NIBAN3: variants seen among roughly 807,000 people sequenced by gnomAD.
NIBAN3 encodes protein Niban 3.
Under a neutral mutation model 76.4 loss-of-function variants are expected in NIBAN3, and 66 were observed. The observed-to-expected ratio is 0.86, with a 90% CI of 0.71 to 1.06. The LOEUF (loss-of-function observed/expected upper bound fraction) is 1.06. Among genes scored for constraint, NIBAN3 ranks in the 50% least tolerant of loss-of-function variants. NIBAN3 has a pLI of 0.00. For synonymous variants in NIBAN3, 360 were observed against 355.2 expected (o/e 1.01, Z -0.15); for missense variants, 808 against 810.7 (o/e 1.00, Z 0.04).
upstream of NIBAN3, chr19:17,523,512 A>T: frequency 6.7e-7 from 1 of 1,483,982 alleles, no homozygotes; most frequent in Non-Finnish European, 9.1e-7. Flanking sequence ...GGGCTGGTTG[A>T]GGGCAGGAGG....
In NIBAN3 at chr19:17,541,230, T is replaced by TATACATAC. The variant is rs56986888; in HGVS notation, c.1170+684_1170+691dup. Among the ~76,000 whole-genome samples the TATACATAC allele has an allele frequency of 1.3e-3, 199 of 150,094 alleles. 1 individual carries two copies. The highest frequency in any genetic ancestry group is 3.6e-3 in the East Asian group (18 of 5,024). On this transcript the variant is annotated intron_variant, in intron 9 of 14. Coordinates refer to ENST00000599164, the MANE Select transcript of NIBAN3 (RefSeq NM_001321827.2). Reference sequence around the variant, plus strand: ...AGCACCTAAAATACATACATACATATATACATACATACATACATACATACA... The same window carrying TATACATAC: ...AGCACCTAAAATACATACATACATATATACATACATACATACATACATACATACATACA...
chr19:17,535,046 T>G (rs898165091), intron 4 of NIBAN3, among the ~76,000 whole-genome samples: 2 of 152,182 alleles, frequency 1.3e-5, no homozygotes, highest in East Asian at 3.9e-4. Flanking sequence ...GACACAAAAA[T>G]GTAGTCTGCT....
Position 17,553,112 on chromosome 19 carries a change from C to T in NIBAN3, c.*1214C>T, listed in dbSNP as rs2076180805. The stretch of plus-strand genomic sequence containing the variant: ...TCCAAATATGTTGATTAGCCATTTA[C>T]ATGTTTGTAGTTTTTTTTTTTTTAA... On this transcript the variant is annotated 3_prime_UTR_variant, in exon 15 of 15. Coordinates refer to ENST00000599164, the MANE Select transcript of NIBAN3 (RefSeq NM_001321827.2). 1.3e-6 allele frequency: 1 copy of T among 741,162 alleles called. No individual in the cohort carries two copies. Among genetic ancestry groups the T allele is most frequent in the East Asian group, 3.2e-5 (1 of 30,784 alleles). 45.9% of individuals were successfully genotyped at this position (741,162 alleles called of 1,614,324 possible).
chr19:17,527,874 C>T (rs990372082), intron 1 of NIBAN3, among the ~76,000 whole-genome samples: 11 of 151,656 alleles, frequency 7.3e-5, no homozygotes, highest in East Asian at 5.8e-4. Context: ...TATTTGTTTT[C>T]GTAGCGACAG....
At chr19:17,526,698 G>A (rs1428703800), upstream of NIBAN3, among the ~76,000 whole-genome samples, 1 of 152,024 alleles carries the variant, frequency 6.6e-6, no homozygotes, top group African/African-American at 2.4e-5. Context: ...GGACTGGTGG[G>A]AGGGACAGTG....
chr19:17,540,170 G>T (rs2075919488), intron 8 of NIBAN3: 2 of 429,398 alleles, frequency 4.7e-6, no homozygotes, highest in Admixed American at 4.2e-5. Flanking sequence ...GGGGGTAAAG[G>T]CTGATACATG....
downstream of NIBAN3, among the ~76,000 whole-genome samples, chr19:17,554,800 T>G (rs199867956): frequency 7.1e-5 from 7 of 98,298 alleles, no homozygotes; most frequent in African/African-American, 3.7e-4. Flanking sequence ...AAAAAGAAAA[T>G]AATAATAATA....
chr19:17,525,819 G>A (rs986002998), upstream of NIBAN3, among the ~76,000 whole-genome samples: 5 of 152,154 alleles, frequency 3.3e-5, no homozygotes, highest in Admixed American at 6.5e-5. Context: ...GGACACCTTC[G>A]CTGGGTGACG....
upstream of NIBAN3, among the ~76,000 whole-genome samples, chr19:17,526,292 G>A (rs753518070): frequency 2.0e-5 from 3 of 150,184 alleles, no homozygotes; most frequent in Non-Finnish European, 3.0e-5. Context: ...CAGTCTGGGC[G>A]ACAGTGCGAG....
rs114758581 is a variant in NIBAN3, at chr19:17,542,488, C to T, written c.1329+194C>T. On this transcript the variant is annotated intron_variant, in intron 10 of 14. Coordinates refer to ENST00000599164, the MANE Select transcript of NIBAN3 (RefSeq NM_001321827.2). This position sits in a 1 kb window ranked among gnomAD's most constrained non-coding sequence, Gnocchi z 4.8. ...GAGCTGGGGCAGGGTGTACAGGGAG[C>T]GCCAAGGATGTTCCTGATCCACCTC... Among the ~76,000 whole-genome samples the T allele has an allele frequency of 0.014, 2,067 of 152,266 alleles. 54 individuals carry two copies. The highest frequency in any genetic ancestry group is 0.048 in the African/African-American group (1,988 of 41,544).
intron 9 of NIBAN3, 126 bp downstream of exon 9, chr19:17,540,708 G>A (rs2075933449): frequency 1.3e-5 from 9 of 678,804 alleles, no homozygotes; most frequent in Middle Eastern, 2.8e-4. Context: ...CCATCACCAT[G>A]CTATGGTCAG....
chr19:17,543,947 G>A (rs62126829), intron 12 of NIBAN3: 10,266 of 182,654 alleles, frequency 0.056, 585 homozygotes, highest in Admixed American at 0.18. Context: ...AGCCGAGATC[G>A]CGCCATTGCA....
chr19:17,534,804 A>AAAAG (rs1436065938), intron 4 of NIBAN3, among the ~76,000 whole-genome samples: 1 of 147,696 alleles, frequency 6.8e-6, no homozygotes, highest in Non-Finnish European at 1.5e-5. Flanking sequence ...AAAAAAAAAA[A>AAAAG]AAAGAAAAGA....
chr19:17,540,661 T>A (rs943975865), intron 9 of NIBAN3, 79 bp downstream of exon 9: 57 of 1,134,942 alleles, frequency 5.0e-5, no homozygotes, highest in Non-Finnish European at 6.3e-5. Flanking sequence ...GAATCTTCAC[T>A]GAATTTGTTC....
Position 17,546,722 on chromosome 19 carries a change from G to A in NIBAN3, c.1591G>A (p.Gly531Ser). 1 of 1,601,044 alleles carries A rather than the reference G, an allele frequency of 6.2e-7. No individual in the cohort carries two copies. The highest frequency in any genetic ancestry group is 8.5e-7 in the Non-Finnish European group (1 of 1,174,876). ...PEFEGDVLAVGSQALTTEGIY... is the reference protein window; with the variant it reads ...PEFEGDVLAVSSQALTTEGIY... ...GTTCGAGGGGGATGTCCTTGCCGTGGGCAGCCAGGCTCTGACCACTGAGGG... is the reference window on the plus strand; with the variant it reads ...GTTCGAGGGGGATGTCCTTGCCGTGAGCAGCCAGGCTCTGACCACTGAGGG... The change falls in exon 13 of 15, where the codon GGC becomes AGC. Residue 531 changes from glycine to serine, a missense_variant. Coordinates refer to ENST00000599164, the MANE Select transcript of NIBAN3 (RefSeq NM_001321827.2).
rs1226922390 is a variant in NIBAN3, at chr19:17,549,446, T to C, written c.1669T>C (p.Leu557=). 3 of 1,611,070 alleles carry C rather than the reference T, an allele frequency of 1.9e-6. No homozygotes were observed. Among genetic ancestry groups the C allele is most frequent in the South Asian group, 1.1e-5 (1 of 91,004 alleles). Residue 557 remains leucine (L), a splice_region_variant and synonymous_variant, in exon 14 of 15, where the codon TTG becomes CTG. Coordinates refer to ENST00000599164, the MANE Select transcript of NIBAN3 (RefSeq NM_001321827.2). ...GCLLQRIDQE[L]KKTLGANDVS... The stretch of plus-strand genomic sequence containing the variant: ...TCCAAGAGTTCATCTCATTTCAGAA[T>C]TGAAAAAGACCCTTGGTGCCAATGA...
At chr19:17,539,879 G>T (rs1375214988) in intron 8 of NIBAN3, 114 bp downstream of exon 8, 4 of 748,048 alleles carry the variant, frequency 5.3e-6, no homozygotes, top group Non-Finnish European at 8.2e-6. Flanking sequence ...GGCGTGGTCA[G>T]AGAGGGGCGG....
chr19:17,545,648 C>CAG (rs547893225), intron 12 of NIBAN3: 8 of 160,392 alleles, frequency 5.0e-5, no homozygotes, highest in East Asian at 1.8e-4. Context: ...GCAGCTGAGG[C>CAG]AGAGAGAGAG....
Position 17,552,638 on chromosome 19 carries a change from A to C in NIBAN3, c.*740A>C, listed in dbSNP as rs1162417618. On this transcript the variant is annotated 3_prime_UTR_variant, in exon 15 of 15. Coordinates refer to ENST00000599164, the MANE Select transcript of NIBAN3 (RefSeq NM_001321827.2). ...CTTTGACTAAATTGAACTTACAAATAAGTTTATTATGGCCAGGCGTGGCAG... is the reference window on the plus strand; with the variant it reads ...CTTTGACTAAATTGAACTTACAAATCAGTTTATTATGGCCAGGCGTGGCAG... 6.6e-6 allele frequency: 1 copy of C among 152,060 alleles called. No individual in the cohort carries two copies. The highest frequency in any genetic ancestry group is 2.4e-5 in the African/African-American group (1 of 41,414). 9.4% of individuals were successfully genotyped at this position (152,060 alleles called of 1,614,324 possible).
Sources: allele counts gnomAD v4.1 joint callset (sites outside exome capture counted in the v4.1 genomes callset), GRCh38; gene constraint gnomAD v4.1.1; non-coding constraint Gnocchi (gnomAD v3.1); transcripts MANE v1.5; gene names NCBI Gene and HGNC (gene_info 2026-07-23, HGNC 2026-07-21).